The following CCDC69 variants were observed in gnomAD, a reference collection of about 807,000 sequenced individuals.
CCDC69 encodes the protein coiled-coil domain containing 69.
CCDC69 carries 38 observed loss-of-function variants against 40.3 expected under a neutral mutation model. The ratio of observed to expected loss-of-function variants is 0.94; its 90% CI spans 0.73 to 1.24. CCDC69 has a LOEUF of 1.24. Among genes scored for constraint, CCDC69 ranks in the 50% most tolerant of loss-of-function variants. The pLI is 0.00. For missense variants in CCDC69, 389 were observed against 357.9 expected, an observed-to-expected ratio of 1.09 and a Z score of -0.70; for synonymous variants, 141 against 138.9, an observed-to-expected ratio of 1.02 and a Z score of -0.11.
At chr5:151,202,872 A>T (rs115379719) in intron 2 of CCDC69, among the ~76,000 whole-genome samples, 2,094 of 152,250 alleles carry the variant, frequency 0.014, 49 homozygotes, top group African/African-American at 0.046. Context: ...TAATTATGGC[A>T]CCTACCACAT....
In CCDC69 at chr5:151,201,815, G is replaced by C. The variant is rs570374340; in HGVS notation, c.125-127C>G. 17 of 548,712 alleles carry C rather than the reference G, an allele frequency of 3.1e-5. No individual in the cohort carries two copies. In the South Asian group the frequency reaches 4.2e-4, roughly 14 times the overall value. The allele number at this position is 548,712 out of a possible 1,614,324, so 34.0% of individuals were successfully genotyped here. On this transcript the variant is annotated intron_variant, in intron 2 of 8. Coordinates refer to ENST00000355417, the MANE Select transcript of CCDC69 (RefSeq NM_015621.3). ...GAACCCTGGTCTCTGCCTCAAGAAT[G>C]ATTTCGGGTGGGACCAGTCTCCAGA...
chr5:151,199,162 A>G (rs2113992492), intron 3 of CCDC69, 78 bp from the exon 4 acceptor site: 1 of 1,211,280 alleles, frequency 8.3e-7, no homozygotes, highest in East Asian at 2.3e-5. Flanking sequence ...ACCTGGGCCT[A>G]CGTGGAACTT....
At chr5:151,197,585 G>A (rs760877476) in intron 4 of CCDC69, among the ~76,000 whole-genome samples, 14 of 152,020 alleles carry the variant, frequency 9.2e-5, no homozygotes, top group Admixed American at 2.0e-4. Flanking sequence ...GTGCCTGCTC[G>A]GTGGGTGGGA....
rs563199255 is a variant in CCDC69, at chr5:151,202,403, A to G, written c.125-715T>C. Among the ~76,000 whole-genome samples the G allele has an allele frequency of 3.3e-5, 5 of 152,260 alleles. No individual in the cohort carries two copies. The East Asian group carries it at 9.6e-4, about 29-fold the overall frequency. On this transcript the variant is annotated intron_variant, in intron 2 of 8. Coordinates refer to ENST00000355417, the MANE Select transcript of CCDC69 (RefSeq NM_015621.3). ...TTTAAAAATTAGTTGTTGATACTTA[A>G]TAACTGGGAAGCTTTTACTTAATAA... is the stretch of plus-strand genomic sequence containing the variant.
At chr5:151,214,569 TC>T (rs1411974824) in intron 1 of CCDC69, among the ~76,000 whole-genome samples, 1 of 152,184 alleles carries the variant, frequency 6.6e-6, no homozygotes, top group East Asian at 1.9e-4. Context: ...ATTTAATTCA[TC>T]CCCTTCATAT....
chr5:151,193,698 A>G (rs1237216621), intron 4 of CCDC69, among the ~76,000 whole-genome samples: 1 of 152,224 alleles, frequency 6.6e-6, no homozygotes, highest in South Asian at 2.1e-4. Context: ...TTTAGCAAAG[A>G]GTTCACAGAC....
rs374875913 is a variant in CCDC69 at position 151,193,755 on chromosome 5, CA to C, written c.319+5241del. Reference sequence around the variant, plus strand: ...AAGAAAAAAATAAATTGGACTTTATCAAAATTAAAAGCTTGGCTTTGTGAAA... The same window carrying C: ...AAGAAAAAAATAAATTGGACTTTATCAAATTAAAAGCTTGGCTTTGTGAAA... On this transcript the variant is annotated intron_variant, in intron 4 of 8. Transcript: ENST00000355417. Among the ~76,000 whole-genome samples, 49 of 152,044 alleles carry C rather than the reference CA, an allele frequency of 3.2e-4. 1 individual carries two copies. The highest frequency in any genetic ancestry group is 1.1e-3 in the African/African-American group (47 of 41,480).
chr5:151,221,216 T>A (rs1011090311), intron 1 of CCDC69, among the ~76,000 whole-genome samples: 15 of 152,108 alleles, frequency 9.9e-5, no homozygotes, highest in Non-Finnish European at 1.8e-4. Context: ...TGGAGGGACA[T>A]GAGAAGGCCT....
rs576832999 is a variant in CCDC69, at chr5:151,205,007, ATCCCTCCC to A, written c.124+385_124+392del. On this transcript the variant is annotated intron_variant, in intron 2 of 8. Coordinates refer to ENST00000355417, the MANE Select transcript of CCDC69 (RefSeq NM_015621.3). ...CAACAGTTTTTCAACTCTTGCTCCC[ATCCCTCCC>A]TCCCTCCCTCCCTCCCTATGGTGAC... Among the ~76,000 whole-genome samples, 168 of 139,176 alleles carry A rather than the reference ATCCCTCCC, an allele frequency of 1.2e-3. 1 individual carries two copies. The highest frequency in any genetic ancestry group is 4.2e-3 in the African/African-American group (161 of 37,986). 91.3% of individuals were successfully genotyped at this position (139,176 alleles called of 152,430 possible).
intron 2 of CCDC69, 39 bp from the exon 3 acceptor site, chr5:151,201,727 T>C: frequency 3.6e-6 from 5 of 1,380,146 alleles, no homozygotes; most frequent in South Asian, 2.4e-5. Context: ...ATAAAAAAAC[T>C]CACAGAGTGG....
chr5:151,201,646 T>G lies in CCDC69; in HGVS notation c.167A>C (p.His56Pro). 1 of 1,613,738 alleles carries G rather than the reference T, an allele frequency of 6.2e-7. No individual in the cohort carries two copies. The highest frequency in any genetic ancestry group is 8.5e-7 in the Non-Finnish European group (1 of 1,179,838). The change falls in exon 3 of 9, where the codon CAC becomes CCC. Residue 56 changes from histidine (H) to proline (P), a missense_variant. His to Pro is a moderately conservative substitution (Grantham distance 77). Transcript: ENST00000355417. ...QLCASEEAER[H>P]QKDITRILQQ... ...GAGAATTCTGGTTATATCCTTCTGG[T>G]GCCGCTCAGCCTCCTCTGATGCACA...
intron 5 of CCDC69, among the ~76,000 whole-genome samples, chr5:151,186,964 C>T (rs900869706): frequency 1.3e-5 from 2 of 151,986 alleles, no homozygotes; most frequent in African/African-American, 4.8e-5. Context: ...CCTGAGGCAC[C>T]CTTCCTACCC....
In CCDC69 at chr5:151,181,266, G is replaced by C. The variant is rs144720786; in HGVS notation, c.*2171C>G. The C allele has an allele frequency of 1.5e-3, 236 of 152,266 alleles. 1 individual carries two copies. Among genetic ancestry groups the C allele is most frequent in the African/African-American group, 5.2e-3 (216 of 41,508 alleles). The allele number at this position is 152,266 out of a possible 1,614,324, so 9.4% of individuals were successfully genotyped here. A position where few individuals can be genotyped will look rare whatever the true frequency, so the allele number is the denominator to read the frequency against. On this transcript the variant is annotated 3_prime_UTR_variant, in exon 9 of 9. Transcript: ENST00000355417. Reference sequence around the variant, plus strand: ...GAGTCTTGCTCTGTCACCCGGGCTGGAGTGCAGTGGCGCGATCTTGGCTCA... The same window carrying C: ...GAGTCTTGCTCTGTCACCCGGGCTGCAGTGCAGTGGCGCGATCTTGGCTCA...
At chr5:151,203,050 A>G (rs1471444430) in intron 2 of CCDC69, among the ~76,000 whole-genome samples, 1 of 152,068 alleles carries the variant, frequency 6.6e-6, no homozygotes, top group Non-Finnish European at 1.5e-5. Flanking sequence ...CGTGAGTAAT[A>G]TTATTACCCC....
intron 1 of CCDC69, among the ~76,000 whole-genome samples, chr5:151,207,115 C>T (rs1045608432): frequency 1.3e-5 from 2 of 151,882 alleles, no homozygotes; most frequent in Admixed American, 6.6e-5. Flanking sequence ...GATGGGGTTT[C>T]GCCATGTTGG....
chr5:151,196,451 C>G lies in CCDC69; in HGVS notation c.319+2546G>C, dbSNP rs1175317683. Among the ~76,000 whole-genome samples the G allele has an allele frequency of 2.6e-5, 4 of 152,150 alleles. 1 individual carries two copies. Among genetic ancestry groups the G allele is most frequent in the Non-Finnish European group, 5.9e-5 (4 of 68,014 alleles). ...GTATTACAGGTGTGAGCCACTGCAC[C>G]CAGCCACAGCCATGTTTTAAGAAGA... On this transcript the variant is annotated intron_variant, in intron 4 of 8. Transcript: ENST00000355417.
intron 4 of CCDC69, 58 bp from the exon 5 acceptor site, chr5:151,187,517 G>C: frequency 2.1e-6 from 3 of 1,431,164 alleles, no homozygotes; most frequent in Non-Finnish European, 3.0e-6. Flanking sequence ...GCCTTCTGCA[G>C]GCCCCTTGGT....
Position 151,198,290 on chromosome 5 carries a change from T to TGATC in CCDC69, c.319+703_319+706dup, listed in dbSNP as rs1393480079. 2.0e-3 allele frequency among the ~76,000 whole-genome samples: 268 copies of TGATC among 132,508 alleles called. 2 individuals are homozygous for TGATC. Among genetic ancestry groups the TGATC allele is most frequent in the Middle Eastern group, 0.011 (3 of 270 alleles). 86.9% of individuals were successfully genotyped at this position (132,508 alleles called of 152,430 possible). On this transcript the variant is annotated intron_variant, in intron 4 of 8. Transcript: ENST00000355417. ...GGACTGGAGCTCTAGAGAATGAGAT[T>TGATC]GATCTATCTATCTATCTATCTATCT...
At chr5:151,184,480 C>A in intron 7 of CCDC69, 39 bp from the exon 8 acceptor site, 1 of 1,342,916 alleles carries the variant, frequency 7.4e-7, no homozygotes, top group Non-Finnish European at 1.1e-6. Context: ...CTGCCAAACT[C>A]ACGCTGCACG....
Sources: allele counts gnomAD v4.1 joint callset (sites outside exome capture counted in the v4.1 genomes callset), GRCh38; gene constraint gnomAD v4.1.1; transcripts MANE v1.5; gene names NCBI Gene and HGNC (gene_info 2026-07-23, HGNC 2026-07-21).